Variants in LHFPL3 observed in about 807,000 individuals in gnomAD.
LHFPL3 encodes LHFPL tetraspan subfamily member 3 protein.
A neutral mutation model predicts 19.3 loss-of-function variants in LHFPL3; 5 were observed. That is an observed-to-expected ratio of 0.26 (90% CI 0.14 to 0.54). The LOEUF (loss-of-function observed/expected upper bound fraction) is 0.54, where lower values mean the gene tolerates loss of function less well. LHFPL3 is among the 20% of genes least tolerant of loss of function. The pLI, the probability that LHFPL3 is intolerant of heterozygous loss-of-function variation, is 0.94. For synonymous variants in LHFPL3, 133 were observed against 126.2 expected (o/e 1.05, Z -0.36); for missense variants, 249 against 307.4 (o/e 0.81, Z 1.42).
chr7:104,772,840 A>G lies in LHFPL3; in HGVS notation c.682+35929A>G, dbSNP rs1584526346. Reference sequence around the variant, plus strand: ...ACTCAGGCTTCAATCCTTCAATCAGATAAATTTTTAATTCAAGTTCTGTGC... The same window carrying G: ...ACTCAGGCTTCAATCCTTCAATCAGGTAAATTTTTAATTCAAGTTCTGTGC... On this transcript the variant is annotated intron_variant, in intron 2 of 2. Transcript: ENST00000424859. 2.0e-5 allele frequency among the ~76,000 whole-genome samples: 3 copies of G among 152,234 alleles called. No individual in the cohort carries two copies. The South Asian group carries it at 6.2e-4, about 31-fold the overall frequency.
At chr7:104,570,752 C>T (rs1052442401) in intron 1 of LHFPL3, among the ~76,000 whole-genome samples, 8 of 152,014 alleles carry the variant, frequency 5.3e-5, no homozygotes, top group Non-Finnish European at 1.0e-4. Flanking sequence ...ACTCATATCA[C>T]GGGGGTTTGT....
At chr7:104,396,549 A>C (rs1791188301) in intron 1 of LHFPL3, among the ~76,000 whole-genome samples, 2 of 151,816 alleles carry the variant, frequency 1.3e-5, no homozygotes, top group Non-Finnish European at 2.9e-5. Flanking sequence ...CATCAGGTTC[A>C]ATTTAGAAAA....
rs543189164 is a variant in LHFPL3, at chr7:104,758,807, G to T, written c.682+21896G>T. On this transcript the variant is annotated intron_variant, in intron 2 of 2. Coordinates refer to ENST00000424859, the MANE Select transcript of LHFPL3 (RefSeq NM_199000.3). ...AGGGGCTTCTTTCTGTCATTAGAATGCTCTCTGAGTCTCCCATAGGGTTGG... is the reference window on the plus strand; with the variant it reads ...AGGGGCTTCTTTCTGTCATTAGAATTCTCTCTGAGTCTCCCATAGGGTTGG... 5.3e-5 allele frequency among the ~76,000 whole-genome samples: 8 copies of T among 152,128 alleles called. No homozygotes were observed. In the South Asian group the frequency reaches 1.5e-3, roughly 28 times the overall value.
chr7:104,400,713 T>C (rs1791298286), intron 1 of LHFPL3, among the ~76,000 whole-genome samples: 1 of 152,234 alleles, frequency 6.6e-6, no homozygotes, highest in Non-Finnish European at 1.5e-5. Flanking sequence ...ATGATCTAAA[T>C]TGACCTACTC....
At chr7:104,560,373 A>G (rs1217644201) in intron 1 of LHFPL3, among the ~76,000 whole-genome samples, 4 of 146,502 alleles carry the variant, frequency 2.7e-5, no homozygotes, top group Non-Finnish European at 6.0e-5. Context: ...TTATTGGTCT[A>G]TTCAGAGATT....
At chr7:104,578,632 G>T (rs1790393224) in intron 1 of LHFPL3, among the ~76,000 whole-genome samples, 1 of 152,176 alleles carries the variant, frequency 6.6e-6, no homozygotes, top group African/African-American at 2.4e-5. Flanking sequence ...CTGGTGTCCA[G>T]TCCTGAGCAC....
chr7:104,750,254 C>T (rs972877592), intron 2 of LHFPL3, among the ~76,000 whole-genome samples: 22 of 152,302 alleles, frequency 1.4e-4, no homozygotes, highest in South Asian at 4.1e-4. Context: ...ATAGAGACAT[C>T]TGCTCCAGTG....
intron 1 of LHFPL3, among the ~76,000 whole-genome samples, chr7:104,706,570 C>CA (rs1293160835): frequency 1.3e-5 from 2 of 152,200 alleles, no homozygotes; most frequent in Non-Finnish European, 2.9e-5. Flanking sequence ...GTAAAGATTG[C>CA]ATCTCAAAAT....
chr7:104,761,132 G>A (rs1213093660), intron 2 of LHFPL3, among the ~76,000 whole-genome samples: 2 of 152,056 alleles, frequency 1.3e-5, no homozygotes, highest in African/African-American at 2.4e-5. Context: ...GGCAGGCTGC[G>A]TTTTTCCCAT....
intron 1 of LHFPL3, among the ~76,000 whole-genome samples, chr7:104,468,330 G>A (rs1455739714): frequency 6.6e-6 from 1 of 152,204 alleles, no homozygotes; most frequent in Non-Finnish European, 1.5e-5. Context: ...AATCCTAGCT[G>A]CTAGGGAATC....
Position 104,363,903 on chromosome 7 carries a change from C to G in LHFPL3, c.445+34679C>G, listed in dbSNP as rs943346440. Among the ~76,000 whole-genome samples the G allele has an allele frequency of 3.3e-5, 5 of 152,186 alleles. No individual in the cohort carries two copies. In the East Asian group the frequency reaches 9.6e-4, roughly 29 times the overall value. ...TTAATTAGCTTTTACAAGCCTCCTC[C>G]TTGTCTTGTTAACAGGTTAACAAGT... On this transcript the variant is annotated intron_variant, in intron 1 of 2. Coordinates refer to ENST00000424859, the MANE Select transcript of LHFPL3 (RefSeq NM_199000.3).
intron 2 of LHFPL3, among the ~76,000 whole-genome samples, chr7:104,883,441 T>C (rs1175596608): frequency 1.3e-5 from 2 of 152,206 alleles, no homozygotes; most frequent in African/African-American, 4.8e-5. Flanking sequence ...AAGTCTATTT[T>C]TAGCCCACTA....
intron 2 of LHFPL3, among the ~76,000 whole-genome samples, chr7:104,804,774 A>G (rs921210393): frequency 5.3e-5 from 8 of 152,196 alleles, no homozygotes; most frequent in Non-Finnish European, 1.2e-4. Context: ...ATCATTTCCT[A>G]GTCAGGCTTT....
At chr7:104,504,153 C>A (rs1425946040) in intron 1 of LHFPL3, among the ~76,000 whole-genome samples, 1 of 152,104 alleles carries the variant, frequency 6.6e-6, no homozygotes, top group African/African-American at 2.4e-5. Flanking sequence ...TCTGAACGCT[C>A]TCTACTTCTT....
At chr7:104,463,244 C>T (rs537047667) in intron 1 of LHFPL3, among the ~76,000 whole-genome samples, 1 of 152,200 alleles carries the variant, frequency 6.6e-6, no homozygotes, top group African/African-American at 2.4e-5. Context: ...CTCAGTTCAG[C>T]TTTGAATTTG....
intron 1 of LHFPL3, among the ~76,000 whole-genome samples, chr7:104,640,416 C>T (rs1204474859): frequency 1.3e-5 from 2 of 152,182 alleles, no homozygotes; most frequent in Non-Finnish European, 2.9e-5. Context: ...ATGATAGTTT[C>T]CAGCTTCATC....
chr7:104,799,236 A>G (rs921699144), intron 2 of LHFPL3, among the ~76,000 whole-genome samples: 4 of 152,318 alleles, frequency 2.6e-5, no homozygotes, highest in African/African-American at 9.6e-5. Flanking sequence ...AGATGAAAAT[A>G]TGAAGGCACA....
chr7:104,803,870 C>G (rs138028184), intron 2 of LHFPL3: 207 of 152,314 alleles, frequency 1.4e-3, no homozygotes, highest in African/African-American at 4.9e-3. Context: ...TGGTATTGCA[C>G]TATATCCAAT....
chr7:104,449,374 C>T (rs1220768666), intron 1 of LHFPL3, among the ~76,000 whole-genome samples: 1 of 152,114 alleles, frequency 6.6e-6, no homozygotes, highest in Admixed American at 6.6e-5. Flanking sequence ...TAGCAAGGTA[C>T]ATATATTGAG....
Sources: allele counts gnomAD v4.1 joint callset (sites outside exome capture counted in the v4.1 genomes callset), GRCh38; gene constraint gnomAD v4.1.1; transcripts MANE v1.5; gene names NCBI Gene and HGNC (gene_info 2026-07-23, HGNC 2026-07-21).